CTNNA1: variants seen among roughly 807,000 people sequenced by gnomAD.
CTNNA1 encodes catenin alpha 1, also known as catenin alpha-1.
CTNNA1 carries 37 observed loss-of-function variants against 98.4 expected under a neutral mutation model. That is an observed-to-expected ratio of 0.38 (90% confidence interval 0.29 to 0.49). The LOEUF (loss-of-function observed/expected upper bound fraction) is 0.49. Among genes scored for constraint, CTNNA1 ranks in the 20% least tolerant of loss-of-function variants. The probability of loss-of-function intolerance (pLI) is 0.95; values close to 1 mark genes in which losing one functional copy is unlikely to be tolerated. For missense variants in CTNNA1, 761 were observed against 1,147.2 expected, an observed-to-expected ratio of 0.66 and a Z score of 4.86; for synonymous variants, 404 against 413.2, an observed-to-expected ratio of 0.98 and a Z score of 0.27.
At chr5:138,895,088 C>T (rs1756474803) in intron 9 of CTNNA1, among the ~76,000 whole-genome samples, 1 of 152,108 alleles carries the variant, frequency 6.6e-6, no homozygotes, top group South Asian at 2.1e-4. Flanking sequence ...TATAAGTTAT[C>T]TGAGGACATG....
intron 7 of CTNNA1, among the ~76,000 whole-genome samples, chr5:138,828,839 G>T (rs1760981328): frequency 6.6e-6 from 1 of 152,186 alleles, no homozygotes; most frequent in Non-Finnish European, 1.5e-5. Flanking sequence ...TAAAGCCATT[G>T]CCCCCTGGGC....
intron 1 of CTNNA1, among the ~76,000 whole-genome samples, chr5:138,767,058 CAA>C (rs1753014657): frequency 6.6e-6 from 1 of 151,022 alleles, no homozygotes; most frequent in African/African-American, 2.4e-5. Flanking sequence ...TTTTTTGAGA[CAA>C]GAGTCTCGCT....
In CTNNA1 at chr5:138,782,407, A is replaced by G. The variant is rs1162381309; in HGVS notation, c.105+378A>G. ...ATTGTGTGGGATTAATTAGCAGGTAATTCAACTTGAGGGTTTAGGTTTGGT... is the reference window on the plus strand; with the variant it reads ...ATTGTGTGGGATTAATTAGCAGGTAGTTCAACTTGAGGGTTTAGGTTTGGT... On this transcript the variant is annotated intron_variant, in intron 2 of 17. Transcript: ENST00000302763. 9.7e-6 allele frequency: 4 copies of G among 413,336 alleles called. No homozygotes were observed. The East Asian group carries it at 2.2e-4, about 23-fold the overall frequency. The allele number at this position is 413,336 out of a possible 1,614,324, so 25.6% of individuals were successfully genotyped here.
At chr5:138,861,818 G>A (rs1764310816) in intron 7 of CTNNA1, among the ~76,000 whole-genome samples, 1 of 152,196 alleles carries the variant, frequency 6.6e-6, no homozygotes, top group African/African-American at 2.4e-5. Context: ...GCTCAGATGA[G>A]TGACTATATT....
chr5:138,830,115 C>G (rs1761118253), intron 7 of CTNNA1, among the ~76,000 whole-genome samples: 1 of 151,062 alleles, frequency 6.6e-6, no homozygotes, highest in Admixed American at 6.6e-5. Context: ...TTCAGTGAGC[C>G]AAGATCACGC....
At chr5:138,915,394 G>A (rs1340147214) in intron 10 of CTNNA1, among the ~76,000 whole-genome samples, 1 of 152,134 alleles carries the variant, frequency 6.6e-6, no homozygotes, top group Non-Finnish European at 1.5e-5. Context: ...AGATCCACTA[G>A]CATGGCTAGA....
chr5:138,925,470 AT>A, intron 13 of CTNNA1, 63 bp downstream of exon 13: 1 of 1,581,210 alleles, frequency 6.3e-7, no homozygotes, highest in Non-Finnish European at 8.6e-7. Context: ...AACTTGAGCA[AT>A]GCGTCATTCT....
rs1045330892 is a variant in CTNNA1 at position 138,873,586 on chromosome 5, C to T, written c.1063-12626C>T. On this transcript the variant is annotated intron_variant, in intron 7 of 17. Transcript: ENST00000302763. The surrounding 1 kb of genome is among the most constrained non-coding windows in gnomAD (Gnocchi z 6.1). ...CCCACCGACCTTGGAAACTGCCCAG[C>T]CAGGAGGCCAGAGCACATATTCGGG... 1.2e-6 allele frequency: 2 copies of T among 1,613,972 alleles called. No homozygotes were observed. The highest frequency in any genetic ancestry group is 8.5e-7 in the Non-Finnish European group (1 of 1,179,898).
At chr5:138,820,138 T>C (rs1759883397) in intron 5 of CTNNA1, among the ~76,000 whole-genome samples, 1 of 148,744 alleles carries the variant, frequency 6.7e-6, no homozygotes, top group African/African-American at 2.5e-5. Context: ...TATGGGCTAA[T>C]ACAGGGAGAG....
At chr5:138,822,493 G>A (rs1458836745) in intron 5 of CTNNA1, among the ~76,000 whole-genome samples, 2 of 152,104 alleles carry the variant, frequency 1.3e-5, no homozygotes, top group African/African-American at 4.8e-5. Flanking sequence ...TTTATAAAAC[G>A]GTAGACAATT....
chr5:138,873,056 C>T lies in CTNNA1; in HGVS notation c.1063-13156C>T. On this transcript the variant is annotated intron_variant, in intron 7 of 17. Coordinates refer to ENST00000302763, the MANE Select transcript of CTNNA1 (RefSeq NM_001903.5). This position sits in a 1 kb window ranked among gnomAD's most constrained non-coding sequence, Gnocchi z 6.1. ...TGGCAGCTGCTGACACTTGCACTGT[C>T]CATAACCATTAATGATGATGAAGGG... is the stretch of plus-strand genomic sequence containing the variant. The T allele has an allele frequency of 6.2e-7, 1 of 1,613,770 alleles. No homozygotes were observed. Among genetic ancestry groups the T allele is most frequent in the South Asian group, 1.1e-5 (1 of 91,044 alleles).
At chr5:138,866,257 A>G (rs1387292793) in intron 7 of CTNNA1, among the ~76,000 whole-genome samples, 9 of 150,990 alleles carry the variant, frequency 6.0e-5, no homozygotes, top group African/African-American at 2.2e-4. Context: ...AGCAACCTGT[A>G]GATTCTGTTG....
At chr5:138,930,993 A>T in intron 16 of CTNNA1, 58 bp downstream of exon 16, 1 of 1,115,658 alleles carries the variant, frequency 9.0e-7, no homozygotes, top group South Asian at 1.2e-5. Flanking sequence ...CAGGCAGCCC[A>T]GCCTGGTCCA....
intron 10 of CTNNA1, among the ~76,000 whole-genome samples, chr5:138,912,570 A>G (rs1760876211): frequency 6.6e-6 from 1 of 152,212 alleles, no homozygotes; most frequent in Admixed American, 6.5e-5. Flanking sequence ...ACTTAATGGT[A>G]AAAACTGAAT....
At chr5:138,875,512 T>A in intron 7 of CTNNA1, 1 of 985,476 alleles carries the variant, frequency 1.0e-6, no homozygotes, top group Non-Finnish European at 1.2e-6. Context: ...GAAGAACTCC[T>A]GACTTAAAAA....
intron 7 of CTNNA1, among the ~76,000 whole-genome samples, chr5:138,853,442 G>A (rs559048412): frequency 1.3e-5 from 2 of 151,472 alleles, no homozygotes; most frequent in African/African-American, 2.4e-5. Flanking sequence ...TTGACATTGC[G>A]TGTGTTTTCC....
intron 7 of CTNNA1, among the ~76,000 whole-genome samples, chr5:138,865,526 T>C (rs2149897000): frequency 6.6e-6 from 1 of 152,372 alleles, no homozygotes; most frequent in South Asian, 2.1e-4. Flanking sequence ...ACCAATGTGC[T>C]GCTTTATCCG....
At chr5:138,880,957 T>A in intron 7 of CTNNA1, 14 of 426,694 alleles carry the variant, frequency 3.3e-5, no homozygotes, top group Admixed American at 1.9e-4. Context: ...ACACATTGAA[T>A]ATGTGATGTT....
chr5:138,899,269 C>A (rs1051404456), intron 9 of CTNNA1, among the ~76,000 whole-genome samples: 2 of 151,688 alleles, frequency 1.3e-5, no homozygotes, highest in African/African-American at 4.8e-5. Flanking sequence ...TGTGGGAATT[C>A]TTTGAAGCCT....
Sources: allele counts gnomAD v4.1 joint callset (sites outside exome capture counted in the v4.1 genomes callset), GRCh38; gene constraint gnomAD v4.1.1; non-coding constraint Gnocchi (gnomAD v3.1); transcripts MANE v1.5; gene names NCBI Gene and HGNC (gene_info 2026-07-23, HGNC 2026-07-21).